The following SLC1A3 variants were observed in gnomAD, a reference collection of about 807,000 sequenced individuals.
The protein encoded by SLC1A3 is excitatory amino acid transporter 1.
SLC1A3 carries 21 observed loss-of-function variants against 48.1 expected under a neutral mutation model. The observed-to-expected ratio is 0.44, with a 90% CI of 0.31 to 0.63. The LOEUF (loss-of-function observed/expected upper bound fraction) is 0.63, where lower values mean the gene tolerates loss of function less well. Among genes scored for constraint, SLC1A3 ranks in the 20% least tolerant of loss-of-function variants. The pLI, the probability that SLC1A3 is intolerant of heterozygous loss-of-function variation, is 0.08. For synonymous variants in SLC1A3, 239 were observed against 251.4 expected (o/e 0.95, Z 0.47); for missense variants, 546 against 689.0 (o/e 0.79, Z 2.32).
At chr5:36,632,509 G>C (rs3776568) in intron 3 of SLC1A3, among the ~76,000 whole-genome samples, 23,925 of 152,134 alleles carry the variant, frequency 0.16, 3,125 homozygotes, top group African/African-American at 0.35. Context: ...TCCATCTTCT[G>C]GGTATAACTG....
chr5:36,657,183 G>A (rs1741318223), intron 3 of SLC1A3, among the ~76,000 whole-genome samples: 1 of 152,166 alleles, frequency 6.6e-6, no homozygotes, highest in African/African-American at 2.4e-5. Context: ...TAGGAAAACA[G>A]TAATTCCTGA....
rs138085358 is a variant in SLC1A3 at position 36,686,136 on chromosome 5, G to A, written c.1496G>A (p.Arg499Gln). ...LGAGIVEHLS[R>Q]HELKNRDVEM... ...GCTGGGATTGTGGAGCACTTGTCAC[G>A]ACATGAACTGAAGAACAGAGATGTT... The change falls in exon 10 of 10, where the codon CGA (arginine) becomes CAA (glutamine). Residue 499 changes from arginine (R) to glutamine (Q), a missense_variant. This residue lies in a region of SLC1A3 where 56 missense variants were observed against 59.0 expected (regional missense o/e 0.95). Coordinates refer to ENST00000265113, the MANE Select transcript of SLC1A3 (RefSeq NM_004172.5). The A allele has an allele frequency of 1.2e-4, 199 of 1,614,124 alleles. No homozygotes were observed. The highest frequency in any genetic ancestry group is 1.6e-4 in the Non-Finnish European group (183 of 1,179,994).
chr5:36,671,435 G>A lies in SLC1A3; in HGVS notation c.524+202G>A, dbSNP rs750110581. Among the ~76,000 whole-genome samples, 50 of 152,322 alleles carry A rather than the reference G, an allele frequency of 3.3e-4. 2 individuals carry two copies. In the Middle Eastern group the frequency reaches 0.02, roughly 62 times the overall value. On this transcript the variant is annotated intron_variant, in intron 4 of 9. Coordinates refer to ENST00000265113, the MANE Select transcript of SLC1A3 (RefSeq NM_004172.5). ...ATCTTGTATGAGAGAGGCGAAAAGA[G>A]CAAGGAGAGGATATGGATTTTGAGA...
At chr5:36,618,075 G>A (rs1463623472) in intron 2 of SLC1A3, among the ~76,000 whole-genome samples, 3 of 152,196 alleles carry the variant, frequency 2.0e-5, no homozygotes, top group African/African-American at 4.8e-5. Context: ...TGCGGGTTCC[G>A]CAGACAGACT....
At position 36,636,045 on chromosome 5, in the gene SLC1A3, TTGTGTGTG is replaced by T. The variant is rs57711659; in HGVS notation, c.319+6484_319+6491del. 42 of 137,830 alleles carry T rather than the reference TTGTGTGTG, an allele frequency of 3.0e-4. No homozygotes were observed. In the Middle Eastern group the frequency reaches 0.019, roughly 62 times the overall value. The allele number at this position is 137,830 out of a possible 1,614,324, so 8.5% of individuals were successfully genotyped here. A position where few individuals can be genotyped will look rare whatever the true frequency, so the allele number is the denominator to read the frequency against. ...AAAGCAAATCTGGGTAATTAAATGT[TTGTGTGTG>T]TGTGTGTGTGTGTGTGTGTGTGTGT... On this transcript the variant is annotated intron_variant, in intron 3 of 9. Coordinates refer to ENST00000265113, the MANE Select transcript of SLC1A3 (RefSeq NM_004172.5).
chr5:36,617,757 A>C lies in SLC1A3; in HGVS notation c.181+9153A>C, dbSNP rs554104339. ...AAAGGCCCCTCATTCTTAGGGCTACATTGTATGGGCATAATATAACTTATT... is the reference window on the plus strand; with the variant it reads ...AAAGGCCCCTCATTCTTAGGGCTACCTTGTATGGGCATAATATAACTTATT... On this transcript the variant is annotated intron_variant, in intron 2 of 9. Coordinates refer to ENST00000265113, the MANE Select transcript of SLC1A3 (RefSeq NM_004172.5). Among the ~76,000 whole-genome samples, 6 of 152,302 alleles carry C rather than the reference A, an allele frequency of 3.9e-5. No homozygotes were observed. The East Asian group carries it at 1.2e-3, about 29-fold the overall frequency.
intron 6 of SLC1A3, among the ~76,000 whole-genome samples, chr5:36,678,387 C>T (rs1742297077): frequency 6.6e-6 from 1 of 152,192 alleles, no homozygotes; most frequent in Admixed American, 6.5e-5. Context: ...TTAAATGCCT[C>T]CACCTTTCAC....
At chr5:36,650,727 C>T (rs1254914048) in intron 3 of SLC1A3, among the ~76,000 whole-genome samples, 1 of 152,146 alleles carries the variant, frequency 6.6e-6, no homozygotes, top group Non-Finnish European at 1.5e-5. Flanking sequence ...GCTGAAATGG[C>T]CTTGAAGATC....
rs148426525 is a variant in SLC1A3 at position 36,621,940 on chromosome 5, C to G, written c.182-7510C>G. 4.1e-3 allele frequency among the ~76,000 whole-genome samples: 618 copies of G among 152,256 alleles called. 17 individuals carry two copies. In the East Asian group the frequency reaches 0.056, roughly 14 times the overall value. ...ACAATTATACGGCAAATTCTTGTAACCTTGAGACAAATTAGTGCTAGTTTG... is the reference window on the plus strand; with the variant it reads ...ACAATTATACGGCAAATTCTTGTAAGCTTGAGACAAATTAGTGCTAGTTTG... On this transcript the variant is annotated intron_variant, in intron 2 of 9. Coordinates refer to ENST00000265113, the MANE Select transcript of SLC1A3 (RefSeq NM_004172.5).
At chr5:36,637,962 G>A (rs1470690539) in intron 3 of SLC1A3, among the ~76,000 whole-genome samples, 6 of 139,984 alleles carry the variant, frequency 4.3e-5, no homozygotes, top group African/African-American at 1.6e-4. Flanking sequence ...TGATTCTATT[G>A]TGCACCCATG....
intron 7 of SLC1A3, 146 bp from the exon 8 acceptor site, chr5:36,680,249 G>A: frequency 1.1e-5 from 8 of 740,206 alleles, no homozygotes; most frequent in Non-Finnish European, 1.4e-5. Context: ...TTCTTAACCT[G>A]CTCCCCTATT....
At chr5:36,628,000 G>A (rs770040656) in intron 2 of SLC1A3, among the ~76,000 whole-genome samples, 3 of 152,200 alleles carry the variant, frequency 2.0e-5, no homozygotes. Context: ...CATATAGCAA[G>A]AGCTCAGTAA....
chr5:36,646,878 A>T (rs950187960), intron 3 of SLC1A3, among the ~76,000 whole-genome samples: 2 of 152,178 alleles, frequency 1.3e-5, no homozygotes, highest in Non-Finnish European at 2.9e-5. Context: ...ACATTTTTGC[A>T]GGTGTAAGTC....
intron 2 of SLC1A3, among the ~76,000 whole-genome samples, chr5:36,625,629 A>G (rs1579964063): frequency 6.6e-6 from 1 of 152,184 alleles, no homozygotes; most frequent in Non-Finnish European, 1.5e-5. Context: ...ACCCAGAAAT[A>G]GTAAACCAAC....
chr5:36,656,200 T>C (rs2111866917), intron 3 of SLC1A3, among the ~76,000 whole-genome samples: 1 of 152,366 alleles, frequency 6.6e-6, no homozygotes, highest in South Asian at 2.1e-4. Flanking sequence ...TATGTACTTG[T>C]TATTCCTTCT....
intron 3 of SLC1A3, among the ~76,000 whole-genome samples, chr5:36,655,508 A>G (rs1741251460): frequency 6.6e-6 from 1 of 152,246 alleles, no homozygotes. Context: ...GACCCTGAGT[A>G]AACAATTAAA....
intron 3 of SLC1A3, among the ~76,000 whole-genome samples, chr5:36,642,750 G>A (rs966193063): frequency 2.0e-5 from 3 of 152,046 alleles, no homozygotes; most frequent in South Asian, 4.1e-4. Flanking sequence ...GCAAACTCTA[G>A]TCTACTTTCT....
Position 36,671,974 on chromosome 5 carries a change from CATACCACATACTCTAA to C in SLC1A3, c.524+743_524+758del, listed in dbSNP as rs568396230. 7.9e-5 allele frequency among the ~76,000 whole-genome samples: 12 copies of C among 152,314 alleles called. 1 individual carries two copies. In the East Asian group the frequency reaches 2.3e-3, roughly 29 times the overall value. On this transcript the variant is annotated intron_variant, in intron 4 of 9. Transcript: ENST00000265113. ...TGCTCAGTCAGGTCCTGGCAGGAAG[CATACCACATACTCTAA>C]AGGAACCTTGAAGAAGGTTTGCCAA...
intron 4 of SLC1A3, among the ~76,000 whole-genome samples, chr5:36,671,960 G>C (rs1742014334): frequency 6.6e-6 from 1 of 152,162 alleles, no homozygotes; most frequent in African/African-American, 2.4e-5. Flanking sequence ...GCTCAGTCAG[G>C]TCCTGGCAGG....
Sources: gnomAD v4.1 joint callset for allele counts (sites outside exome capture counted in the v4.1 genomes callset) on GRCh38, gnomAD v4.1.1 for gene constraint, gnomAD v4.1.1 regional missense constraint, MANE v1.5 for transcripts, NCBI Gene and HGNC (gene_info 2026-07-23, HGNC 2026-07-21) for gene names.